Variants in ERCC1 observed in about 807,000 individuals in gnomAD.
ERCC1 encodes the protein ERCC excision repair 1, endonuclease non-catalytic subunit, also known as DNA excision repair protein ERCC-1.
ERCC1 carries 36 observed loss-of-function variants against 37.6 expected under a neutral mutation model. The ratio of observed to expected loss-of-function variants is 0.96; its 90% CI spans 0.73 to 1.26. The LOEUF (loss-of-function observed/expected upper bound fraction) is 1.26, where lower values mean the gene tolerates loss of function less well. Ranked by LOEUF, ERCC1 falls within the 50% of genes most tolerant of loss-of-function variation. The pLI is 0.00. For missense variants in ERCC1, 349 were observed against 376.5 expected (o/e 0.93, Z 0.60); for synonymous variants, 156 against 162.1 (o/e 0.96, Z 0.28).
At chr19:45,423,171 A>C in intron 2 of ERCC1, 99 bp downstream of exon 2, 1 of 1,250,592 alleles carries the variant, frequency 8.0e-7, no homozygotes, top group East Asian at 2.6e-5. Flanking sequence ...CGTGGCCCCC[A>C]AATCCACTAA....
At position 45,420,828 on chromosome 19, in the gene ERCC1, C is replaced by G. The variant is rs3212950; in HGVS notation, c.321+350G>C. ...AGTAGAGATGGGGTGTCACCATATT[C>G]GCCAGACTGGTCTCGAACTCCTGAC... On this transcript the variant is annotated intron_variant, in intron 3 of 9. Coordinates refer to ENST00000300853, the MANE Select transcript of ERCC1 (RefSeq NM_001983.4). This position sits in a 1 kb window ranked among gnomAD's most constrained non-coding sequence, Gnocchi z 4.8. Among the ~76,000 whole-genome samples, 80,799 of 151,868 alleles carry G rather than the reference C, an allele frequency of 0.53. 25,314 individuals are homozygous for G. Among genetic ancestry groups the G allele is most frequent in the African/African-American group, 0.85 (35,411 of 41,436 alleles).
chr19:45,435,544 C>T (rs532149356), intron 1 of ERCC1, among the ~76,000 whole-genome samples: 22 of 152,252 alleles, frequency 1.4e-4, no homozygotes, highest in Admixed American at 1.1e-3. Context: ...CTCACTGCAG[C>T]CTCAAACTCC....
At chr19:45,415,618 A>G (rs1974016143) in intron 6 of ERCC1, among the ~76,000 whole-genome samples, 1 of 143,206 alleles carries the variant, frequency 7.0e-6, no homozygotes, top group South Asian at 2.3e-4. Context: ...CCTGGGCGAC[A>G]GAGCCAGACT....
At position 45,409,510 on chromosome 19, in the gene ERCC1, C is replaced by CG; in HGVS notation, c.*164dup. On this transcript the variant is annotated 3_prime_UTR_variant, in exon 10 of 10. Transcript: ENST00000300853. ...AGCAGCAGCCTGTGTAGTCTGCCCC[C>CG]GGGAAACTGAGGAACTAAAGAAAGC... 2 of 1,597,396 alleles carry CG rather than the reference C, an allele frequency of 1.3e-6. No individual in the cohort carries two copies. Among genetic ancestry groups the CG allele is most frequent in the South Asian group, 1.1e-5 (1 of 89,324 alleles).
intron 1 of ERCC1, among the ~76,000 whole-genome samples, chr19:45,443,246 G>A (rs1041195670): frequency 6.6e-6 from 1 of 152,136 alleles, no homozygotes; most frequent in Non-Finnish European, 1.5e-5. Flanking sequence ...TTGGGATGGG[G>A]TCCGCCCAGG....
chr19:45,421,702 C>T (rs1278921604), intron 2 of ERCC1, among the ~76,000 whole-genome samples: 2 of 150,014 alleles, frequency 1.3e-5, no homozygotes, highest in African/African-American at 4.9e-5. Flanking sequence ...GGCGTGATCT[C>T]GGCTCACTGC....
At chr19:45,440,621 G>C (rs532327511) in intron 1 of ERCC1, among the ~76,000 whole-genome samples, 41 of 152,284 alleles carry the variant, frequency 2.7e-4, no homozygotes, top group African/African-American at 9.1e-4. Flanking sequence ...GCTCAGGCTG[G>C]GGAAGGATGA....
intron 1 of ERCC1, among the ~76,000 whole-genome samples, chr19:45,436,191 C>T (rs1444101855): frequency 6.6e-6 from 1 of 152,098 alleles, no homozygotes; most frequent in Admixed American, 6.6e-5. Context: ...GTTTCCTTCC[C>T]TATGTGGAAG....
chr19:45,421,188 C>T lies in ERCC1; in HGVS notation c.311G>A (p.Ser104Asn). ...CGTCTCCCTCCTCACCTGCCGAGGGCTCACAATGATGCTGTTGGATTTTGC... is the reference window on the plus strand; with the variant it reads ...CGTCTCCCTCCTCACCTGCCGAGGGTTCACAATGATGCTGTTGGATTTTGC... ...PGAKSNSIIV[S>N]PRQRGNPVLK... The change falls in exon 3 of 10, where the codon AGC (serine) becomes AAC (asparagine). Residue 104 changes from serine to asparagine, a missense_variant. Physicochemically the swap from Ser to Asn is conservative, Grantham distance 46 (BLOSUM62 1). Transcript: ENST00000300853. 1.2e-6 allele frequency: 2 copies of T among 1,614,104 alleles called. No individual in the cohort carries two copies. Among genetic ancestry groups the T allele is most frequent in the Non-Finnish European group, 1.7e-6 (2 of 1,179,990 alleles).
chr19:45,443,318 G>A (rs1314132887), intron 1 of ERCC1, among the ~76,000 whole-genome samples: 1 of 152,178 alleles, frequency 6.6e-6, no homozygotes, highest in African/African-American at 2.4e-5. Context: ...GGACACAGCC[G>A]GCGCTCCATA....
chr19:45,415,132 G>T (rs1037407472), intron 6 of ERCC1, among the ~76,000 whole-genome samples, 172 bp from the exon 7 acceptor site: 4 of 151,886 alleles, frequency 2.6e-5, no homozygotes, highest in Admixed American at 2.6e-4. Flanking sequence ...TCAGGAGTTC[G>T]AGACCAGCCT....
chr19:45,438,424 T>A (rs963067254), intron 1 of ERCC1, among the ~76,000 whole-genome samples: 2 of 152,094 alleles, frequency 1.3e-5, no homozygotes, highest in Non-Finnish European at 2.9e-5. Context: ...GATTGCTGGA[T>A]CCATATGTGT....
chr19:45,421,777 G>T (rs758055931), intron 2 of ERCC1, among the ~76,000 whole-genome samples: 4 of 151,952 alleles, frequency 2.6e-5, no homozygotes, highest in Non-Finnish European at 5.9e-5. Flanking sequence ...GGGACTACAG[G>T]CGTGTACCAC....
At chr19:45,445,102 C>T (rs1164412402) in intron 1 of ERCC1, among the ~76,000 whole-genome samples, 2 of 152,134 alleles carry the variant, frequency 1.3e-5, no homozygotes, top group African/African-American at 4.8e-5. Context: ...CTGCAACCTC[C>T]GCCTCCTGAG....
chr19:45,434,469 G>C (rs944206911), intron 1 of ERCC1, among the ~76,000 whole-genome samples: 1 of 152,116 alleles, frequency 6.6e-6, no homozygotes, highest in African/African-American at 2.4e-5. Context: ...TCCAGCCTGG[G>C]CAACTGAGTA....
rs1973411744 is a variant in ERCC1 at position 45,407,415 on chromosome 19, GC to G, written c.*2259del. On this transcript the variant is annotated 3_prime_UTR_variant, in exon 10 of 10. Transcript: ENST00000300853. ...CAGAAAGCAGGGGGAGAAACCCACA[GC>G]CCTTTGTTAGTATTTCTACTTATAA... 1.7e-6 allele frequency: 1 copy of G among 579,520 alleles called. No homozygotes were observed. The highest frequency in any genetic ancestry group is 3.6e-5 in the Admixed American group (1 of 27,420). 35.9% of individuals were successfully genotyped at this position (579,520 alleles called of 1,614,324 possible). A position where few individuals can be genotyped will look rare whatever the true frequency, so the allele number is the denominator to read the frequency against.
chr19:45,415,662 T>C (rs1240067356), intron 6 of ERCC1: 5 of 280,844 alleles, frequency 1.8e-5, no homozygotes, highest in South Asian at 1.0e-4. Context: ...AAAAAAACAA[T>C]TGTGGTTGCT....
At chr19:45,443,352 A>C (rs531167625) in intron 1 of ERCC1, among the ~76,000 whole-genome samples, 7 of 152,262 alleles carry the variant, frequency 4.6e-5, no homozygotes, top group East Asian at 1.9e-4. Context: ...GAATGAATCG[A>C]ATGAAAAGGG....
Position 45,419,205 on chromosome 19 carries a change from G to A in ERCC1, c.426-8C>T. On this transcript the variant is annotated splice_polypyrimidine_tract_variant and splice_region_variant and intron_variant, in intron 4 of 9. Transcript: ENST00000300853. Reference sequence around the variant, plus strand: ...AGGTTGTGGTAGCGGAGGCTGGTGGGGGCAGGGAGCGGGAGTTGAGAGGTC... The same window carrying A: ...AGGTTGTGGTAGCGGAGGCTGGTGGAGGCAGGGAGCGGGAGTTGAGAGGTC... 2 of 1,579,362 alleles carry A rather than the reference G, an allele frequency of 1.3e-6. No individual in the cohort carries two copies. Among genetic ancestry groups the A allele is most frequent in the Non-Finnish European group, 1.7e-6 (2 of 1,160,068 alleles).
Sources: allele counts gnomAD v4.1 joint callset (sites outside exome capture counted in the v4.1 genomes callset), GRCh38; gene constraint gnomAD v4.1.1; non-coding constraint Gnocchi (gnomAD v3.1); transcripts MANE v1.5; gene names NCBI Gene and HGNC (gene_info 2026-07-23, HGNC 2026-07-21).